DHRS4L2: variants seen among roughly 807,000 people sequenced by gnomAD.
DHRS4L2 encodes dehydrogenase/reductase 4 like 2, also known as dehydrogenase/reductase SDR family member 4-like 2.
Under a neutral mutation model 23.9 loss-of-function variants are expected in DHRS4L2, and 22 were observed. The ratio of observed to expected loss-of-function variants is 0.92; its 90% confidence interval spans 0.66 to 1.31. The LOEUF is 1.31. Ranked by LOEUF, DHRS4L2 falls within the 40% of genes most tolerant of loss-of-function variation. The pLI is 0.00. For synonymous variants in DHRS4L2, 141 were observed against 123.7 expected, an observed-to-expected ratio of 1.14 and a Z score of -0.93; for missense variants, 385 against 303.3, an observed-to-expected ratio of 1.27 and a Z score of -2.00.
At chr14:23,975,322 C>T (rs1044350619) in intron 1 of DHRS4L2, among the ~76,000 whole-genome samples, 6 of 151,692 alleles carry the variant, frequency 4.0e-5, no homozygotes, top group African/African-American at 1.5e-4. Context: ...AGTGAAGTCC[C>T]ATTCACAATT....
chr14:23,991,924 C>T (rs4982831), intron 2 of DHRS4L2, among the ~76,000 whole-genome samples: 41,806 of 150,700 alleles, frequency 0.28, 6,824 homozygotes, highest in East Asian at 0.53. Flanking sequence ...TTAGTAGAGA[C>T]GGGGTTTCAC....
At chr14:23,994,015 G>T (rs2034325018) in intron 2 of DHRS4L2, among the ~76,000 whole-genome samples, 1 of 151,650 alleles carries the variant, frequency 6.6e-6, no homozygotes, top group Non-Finnish European at 1.5e-5. Flanking sequence ...GCTAGCCCCA[G>T]TGTGCCACTA....
rs542646212 is a variant in DHRS4L2, at chr14:23,996,679, C to A, written c.408+1546C>A. Among the ~76,000 whole-genome samples the A allele has an allele frequency of 5.3e-3, 721 of 135,322 alleles. 8 individuals are homozygous for A. The highest frequency in any genetic ancestry group is 8.9e-3 in the Admixed American group (114 of 12,806). The allele number at this position is 135,322 out of a possible 152,430, so 88.8% of individuals were successfully genotyped here. A position where few individuals can be genotyped will look rare whatever the true frequency, so the allele number is the denominator to read the frequency against. ...TTTTTTTTTTTCCCCCTCGCTGTGT[C>A]ATTGAGGCTAGAGGGCTGTGGTGTG... is the stretch of plus-strand genomic sequence containing the variant. On this transcript the variant is annotated intron_variant, in intron 3 of 7. Transcript: ENST00000335125.
chr14:23,983,624 A>G (rs1341576203), intron 1 of DHRS4L2, among the ~76,000 whole-genome samples: 1 of 151,720 alleles, frequency 6.6e-6, no homozygotes, highest in Non-Finnish European at 1.5e-5. Flanking sequence ...AAGACTTGGA[A>G]CCAACCCAAA....
intron 1 of DHRS4L2, among the ~76,000 whole-genome samples, chr14:23,976,199 A>C (rs906043199): frequency 2.6e-5 from 4 of 151,902 alleles, no homozygotes; most frequent in African/African-American, 4.8e-5. Context: ...AATTCTTGCA[A>C]TCTATCCATC....
chr14:24,001,187 C>T, intron 5 of DHRS4L2, 103 bp downstream of exon 5: 2 of 1,600,004 alleles, frequency 1.3e-6, no homozygotes, highest in South Asian at 2.2e-5. Context: ...AGAATCACAC[C>T]ACCAAGTCCC....
exon 1 of DHRS4L2, chr14:23,970,099 G>T (rs1180646226): frequency 2.4e-5 from 11 of 456,238 alleles, no homozygotes; most frequent in Admixed American, 2.3e-4. Flanking sequence ...GGGTCAGGGT[G>T]GCCAAGCCCA....
chr14:24,001,140 C>A (rs1364417920), intron 5 of DHRS4L2, 56 bp downstream of exon 5: 2 of 1,609,244 alleles, frequency 1.2e-6, no homozygotes, highest in South Asian at 2.2e-5. Flanking sequence ...CATCTTTCCA[C>A]CCCTCCTATT....
intron 3 of DHRS4L2, among the ~76,000 whole-genome samples, chr14:23,999,367 A>AACAAAAC (rs1555330041): frequency 1.7e-5 from 2 of 116,802 alleles, no homozygotes; most frequent in South Asian, 3.2e-4. Flanking sequence ...AAAAAAAAAA[A>AACAAAAC]AAAAAAACAA....
At chr14:23,994,399 A>G (rs1460621162) in intron 2 of DHRS4L2, among the ~76,000 whole-genome samples, 1 of 151,706 alleles carries the variant, frequency 6.6e-6, no homozygotes, top group Non-Finnish European at 1.5e-5. Flanking sequence ...AAAAGACTGC[A>G]AAAGAAATAG....
chr14:24,005,732 T>C (rs538912054), intron 7 of DHRS4L2, among the ~76,000 whole-genome samples, 154 bp from the exon 8 acceptor site: 2 of 152,092 alleles, frequency 1.3e-5, no homozygotes, highest in African/African-American at 4.8e-5. Context: ...CATATCCTCG[T>C]GGTAACCCTA....
chr14:23,977,127 G>T (rs80309124), intron 1 of DHRS4L2, among the ~76,000 whole-genome samples: 7,148 of 151,886 alleles, frequency 0.047, 285 homozygotes, highest in East Asian at 0.16. Context: ...ATTCTAGATA[G>T]AGCAATATCT....
At chr14:23,970,416 T>A in intron 1 of DHRS4L2, 1 of 367,524 alleles carries the variant, frequency 2.7e-6, no homozygotes, top group Non-Finnish European at 5.4e-6. Flanking sequence ...CCTCCATTGC[T>A]AAGGCTTCAG....
intron 1 of DHRS4L2, among the ~76,000 whole-genome samples, chr14:23,978,030 A>T (rs2033999939): frequency 6.6e-6 from 1 of 151,680 alleles, no homozygotes; most frequent in African/African-American, 2.4e-5. Flanking sequence ...TTTGGATTTG[A>T]TGTTTCCAGA....
At chr14:23,984,203 CA>C (rs1461207777), upstream of DHRS4L2, among the ~76,000 whole-genome samples, 1 of 151,492 alleles carries the variant, frequency 6.6e-6, no homozygotes, top group African/African-American at 2.4e-5. Flanking sequence ...GAAAGATACA[CA>C]AAGCCAAGAG....
At chr14:23,973,400 C>T (rs370058176) in intron 1 of DHRS4L2, among the ~76,000 whole-genome samples, 1 of 151,926 alleles carries the variant, frequency 6.6e-6, no homozygotes, top group South Asian at 2.1e-4. Context: ...AGGAAGCCAG[C>T]TCCAGTCTCA....
chr14:23,990,437 G>C, intron 2 of DHRS4L2, 78 bp downstream of exon 2: 1 of 1,497,646 alleles, frequency 6.7e-7, no homozygotes, highest in Non-Finnish European at 8.9e-7. Flanking sequence ...TGCTTTCCTA[G>C]ACAGCAGCAC....
At chr14:23,975,112 G>T (rs2033942176) in intron 1 of DHRS4L2, among the ~76,000 whole-genome samples, 1 of 151,678 alleles carries the variant, frequency 6.6e-6, no homozygotes, top group African/African-American at 2.4e-5. Context: ...AAGAAATAAA[G>T]GGTATTCAAT....
intron 2 of DHRS4L2, among the ~76,000 whole-genome samples, chr14:23,994,284 A>C (rs1387512013): frequency 6.6e-6 from 1 of 151,702 alleles, no homozygotes; most frequent in African/African-American, 2.4e-5. Flanking sequence ...CTGGAAATAG[A>C]TTTTGGGGTG....
Sources: gnomAD v4.1 joint callset for allele counts (sites outside exome capture counted in the v4.1 genomes callset) on GRCh38, gnomAD v4.1.1 for gene constraint, MANE v1.5 for transcripts, NCBI Gene and HGNC (gene_info 2026-07-23, HGNC 2026-07-21) for gene names.